ABTB2: variants seen among roughly 807,000 people sequenced by gnomAD.
ABTB2 encodes ankyrin repeat and BTB/POZ domain-containing protein 2.
In ABTB2, 56 loss-of-function variants were observed where a neutral mutation model predicts 104.1. The ratio of observed to expected loss-of-function variants is 0.54; its 90% CI spans 0.43 to 0.67. ABTB2 has a LOEUF of 0.67. ABTB2 is among the 30% of genes least tolerant of loss of function. The pLI, the probability that ABTB2 is intolerant of heterozygous loss-of-function variation, is 0.00. For synonymous variants in ABTB2, 606 were observed against 608.2 expected (o/e 1.00, Z 0.05); for missense variants, 1,279 against 1,407.7 (o/e 0.91, Z 1.46).
chr11:34,294,914 C>G (rs1854602915), intron 1 of ABTB2, among the ~76,000 whole-genome samples: 1 of 151,942 alleles, frequency 6.6e-6, no homozygotes, highest in South Asian at 2.1e-4. Context: ...CAGGGTTTCA[C>G]CATGTTGGCC....
intron 1 of ABTB2, among the ~76,000 whole-genome samples, chr11:34,242,952 G>A (rs1164353636): frequency 6.6e-6 from 1 of 152,156 alleles, no homozygotes; most frequent in African/African-American, 2.4e-5. Flanking sequence ...CGGGCCTGAG[G>A]TAAACCAAAG....
At chr11:34,197,574 GA>G in intron 2 of ABTB2, 36 bp from the exon 3 acceptor site, 7 of 1,394,922 alleles carry the variant, frequency 5.0e-6, no homozygotes, top group Middle Eastern at 2.4e-4. Context: ...GGGAGGAAGA[GA>G]AAAAAAGAAG....
chr11:34,258,239 T>C (rs1249099191), intron 1 of ABTB2, among the ~76,000 whole-genome samples: 1 of 152,236 alleles, frequency 6.6e-6, no homozygotes, highest in African/African-American at 2.4e-5. Flanking sequence ...CCACTATTAC[T>C]GTGTATCCCT....
intron 1 of ABTB2, among the ~76,000 whole-genome samples, chr11:34,232,168 G>T (rs947165416): frequency 5.3e-5 from 8 of 152,198 alleles, no homozygotes; most frequent in Admixed American, 5.2e-4. Flanking sequence ...TTGTTCTTAT[G>T]CTGGGAGTGG....
At chr11:34,300,979 G>A (rs755875617) in intron 1 of ABTB2, among the ~76,000 whole-genome samples, 27 of 152,196 alleles carry the variant, frequency 1.8e-4, no homozygotes, top group Admixed American at 5.2e-4. Flanking sequence ...TCTAGTTCCC[G>A]TGGGTAGATA....
In ABTB2 at chr11:34,167,367, A is replaced by T. The variant is rs1262490880; in HGVS notation, c.1654-7T>A. 1 of 1,610,344 alleles carries T rather than the reference A, an allele frequency of 6.2e-7. No homozygotes were observed. The highest frequency in any genetic ancestry group is 1.3e-5 in the African/African-American group (1 of 74,868). ...TGGGGGAGTTGCTTGGAACCTGGAA[A>T]ATACCACAAATCATCTGTGTTTTCT... On this transcript the variant is annotated splice_region_variant and splice_polypyrimidine_tract_variant and intron_variant, in intron 6 of 16. Transcript: ENST00000435224.
chr11:34,154,746 G>A lies in ABTB2; in HGVS notation c.2721C>T (p.Tyr907=), dbSNP rs754782474. 24 of 1,614,010 alleles carry A rather than the reference G, an allele frequency of 1.5e-5. No individual in the cohort carries two copies. Among genetic ancestry groups the A allele is most frequent in the Middle Eastern group, 1.6e-4 (1 of 6,082 alleles). The stretch of plus-strand genomic sequence containing the variant: ...GGATCTCCATGGATTCTGTTCCTCC[G>A]TAGTACAGATACTGCATCATCATCT... ...IFQMMMQYLY[Y]GGTESMEIPT... is the part of the protein sequence containing the mutation. The change falls in exon 15 of 17, where the codon TAC becomes TAT. Residue 907 remains tyrosine, a synonymous_variant. Coordinates refer to ENST00000435224, the MANE Select transcript of ABTB2 (RefSeq NM_145804.3). The surrounding 1 kb of genome is among the most constrained non-coding windows in gnomAD (Gnocchi z 4.9).
chr11:34,320,462 T>C (rs1342781470), intron 1 of ABTB2, among the ~76,000 whole-genome samples: 2 of 152,188 alleles, frequency 1.3e-5, no homozygotes, highest in African/African-American at 4.8e-5. Flanking sequence ...GAAAAGGCCA[T>C]TTCAGCTGTA....
chr11:34,279,111 T>TC lies in ABTB2; in HGVS notation c.884-74422dup, dbSNP rs375326566. Reference sequence around the variant, plus strand: ...AAAACTAAGCAGAAACAAACCATCCTCTTACTTCAAAATGAAACCCCAGCA... The same window carrying TC: ...AAAACTAAGCAGAAACAAACCATCCTCCTTACTTCAAAATGAAACCCCAGCA... On this transcript the variant is annotated intron_variant, in intron 1 of 16. Transcript: ENST00000435224. Among the ~76,000 whole-genome samples the TC allele has an allele frequency of 1.5e-3, 227 of 152,282 alleles. 1 individual carries two copies. The highest frequency in any genetic ancestry group is 5.0e-3 in the African/African-American group (207 of 41,576).
At chr11:34,188,501 C>G (rs1371161811) in intron 3 of ABTB2, among the ~76,000 whole-genome samples, 1 of 152,184 alleles carries the variant, frequency 6.6e-6, no homozygotes, top group Non-Finnish European at 1.5e-5. Context: ...GAACAAGTCC[C>G]TTCAGAGGCT....
intron 1 of ABTB2, among the ~76,000 whole-genome samples, chr11:34,305,166 G>C (rs12273157): frequency 0.042 from 6,449 of 152,224 alleles, 464 homozygotes; most frequent in African/African-American, 0.15. Flanking sequence ...ATCTAGAAGA[G>C]GCTCTTGCAT....
Position 34,231,462 on chromosome 11 carries a change from C to T in ABTB2, c.884-26772G>A, listed in dbSNP as rs902016192. Among the ~76,000 whole-genome samples, 11 of 152,042 alleles carry T rather than the reference C, an allele frequency of 7.2e-5. No individual in the cohort carries two copies. The South Asian group carries it at 8.3e-4, about 11-fold the overall frequency. The stretch of plus-strand genomic sequence containing the variant: ...TACAGAGTGGACGTGGCCTGAGGGG[C>T]GGGAGTGGGGAATAATACTTGACAG... On this transcript the variant is annotated intron_variant, in intron 1 of 16. Transcript: ENST00000435224.
intron 1 of ABTB2, among the ~76,000 whole-genome samples, chr11:34,206,611 G>T (rs966824960): frequency 2.6e-5 from 4 of 152,154 alleles, no homozygotes; most frequent in African/African-American, 7.2e-5. Flanking sequence ...GTCCTTATGT[G>T]TGGCTGGTGC....
chr11:34,330,652 T>C (rs1855117751), intron 1 of ABTB2, among the ~76,000 whole-genome samples: 1 of 152,236 alleles, frequency 6.6e-6, no homozygotes, highest in Non-Finnish European at 1.5e-5. Flanking sequence ...ATAAATTCAA[T>C]TGATAAATTA....
intron 1 of ABTB2, among the ~76,000 whole-genome samples, chr11:34,268,055 T>C (rs1031349455): frequency 2.0e-5 from 3 of 152,156 alleles, no homozygotes; most frequent in Admixed American, 2.0e-4. Context: ...CTCAGCCTCC[T>C]GAGTAGCTGG....
At position 34,197,415 on chromosome 11, in the gene ABTB2, T is replaced by C. The variant is rs750774650; in HGVS notation, c.1154A>G (p.His385Arg). The C allele has an allele frequency of 6.2e-7, 1 of 1,610,272 alleles. No homozygotes were observed. Among genetic ancestry groups the C allele is most frequent in the Non-Finnish European group, 8.5e-7 (1 of 1,177,242 alleles). ...ACACCGCAGAAAGTAGTAGAGCGTG[T>C]GGAGGGCGTCGGGGGACCAAGTGAT... ...QPITWSPDAL[H>R]TLYYFLRCPQ... Residue 385 changes from histidine (H) to arginine (R), a missense_variant, in exon 3 of 17, where the codon CAC (histidine) becomes CGC (arginine). Physicochemically the swap from His to Arg is conservative, Grantham distance 29. Transcript: ENST00000435224.
chr11:34,171,160 G>T, intron 4 of ABTB2, 89 bp from the exon 5 acceptor site: 3 of 1,407,782 alleles, frequency 2.1e-6, no homozygotes, highest in Non-Finnish European at 2.9e-6. Context: ...TTTACGTGTA[G>T]AGTGAGGATG....
At chr11:34,238,994 C>T (rs1037418821) in intron 1 of ABTB2, among the ~76,000 whole-genome samples, 3 of 152,198 alleles carry the variant, frequency 2.0e-5, no homozygotes. Flanking sequence ...ACCTAATAAT[C>T]TGCCTGCTTC....
chr11:34,285,564 T>G (rs1854495831), intron 1 of ABTB2, among the ~76,000 whole-genome samples: 1 of 152,142 alleles, frequency 6.6e-6, no homozygotes, highest in Non-Finnish European at 1.5e-5. Flanking sequence ...CGTGCAATCT[T>G]AGGGAGGCCA....
Sources: gnomAD v4.1 joint callset for allele counts (sites outside exome capture counted in the v4.1 genomes callset) on GRCh38, gnomAD v4.1.1 for gene constraint, Gnocchi (gnomAD v3.1) non-coding constraint, MANE v1.5 for transcripts, NCBI Gene and HGNC (gene_info 2026-07-23, HGNC 2026-07-21) for gene names.